SPATA6: variants seen among roughly 807,000 people sequenced by gnomAD.
SPATA6 encodes the protein spermatogenesis associated 6, also known as spermatogenesis-associated protein 6.
In SPATA6, 56 loss-of-function variants were observed where a neutral mutation model predicts 65.3. That is an observed-to-expected ratio of 0.86 (90% CI 0.69 to 1.07). The LOEUF is 1.07. SPATA6 is among the 50% of genes least tolerant of loss of function. SPATA6 has a pLI of 0.00. For missense variants in SPATA6, 590 were observed against 594.8 expected, an observed-to-expected ratio of 0.99 and a Z score of 0.08; for synonymous variants, 199 against 213.2, an observed-to-expected ratio of 0.93 and a Z score of 0.58.
intron 6 of SPATA6, chr1:48,400,883 A>G (rs41289162): frequency 0.085 from 103,484 of 1,223,600 alleles, 4,727 homozygotes; most frequent in Middle Eastern, 0.13. Flanking sequence ...TTTTTCTACC[A>G]TATCCATTTC....
the SPATA6 span, among the ~76,000 whole-genome samples, chr1:48,283,534 C>G: frequency 1.3e-5 from 2 of 150,424 alleles, no homozygotes; most frequent in African/African-American, 2.4e-5. Context: ...CAAAAATTAG[C>G]TGGGCATGGT....
intron 3 of SPATA6, among the ~76,000 whole-genome samples, chr1:48,447,675 TA>T (rs1017844422): frequency 1.3e-5 from 2 of 152,120 alleles, no homozygotes; most frequent in Non-Finnish European, 2.9e-5. Flanking sequence ...TCAATAAATG[TA>T]AAAAAGTTAA....
the SPATA6 span, among the ~76,000 whole-genome samples, chr1:48,277,311 G>T: frequency 6.6e-6 from 1 of 152,196 alleles, no homozygotes; most frequent in Non-Finnish European, 1.5e-5. Flanking sequence ...TCACTAGGGA[G>T]TGCCAGACAG....
chr1:48,444,346 G>T (rs1401042333), intron 3 of SPATA6, among the ~76,000 whole-genome samples: 1 of 151,438 alleles, frequency 6.6e-6, no homozygotes, highest in Non-Finnish European at 1.5e-5. Context: ...TCAGCACTCT[G>T]GGTCCAGCTG....
chr1:48,265,078 C>T, the SPATA6 span, among the ~76,000 whole-genome samples: 3 of 152,092 alleles, frequency 2.0e-5, no homozygotes, highest in Non-Finnish European at 4.4e-5. Flanking sequence ...AGGCTGAATC[C>T]TTCATCATAT....
At chr1:48,299,757 A>C (rs1019691934) in intron 12 of SPATA6, among the ~76,000 whole-genome samples, 4 of 152,136 alleles carry the variant, frequency 2.6e-5, no homozygotes, top group African/African-American at 9.7e-5. Context: ...TTTACAACAC[A>C]TAGAAGTTGG....
At chr1:48,302,646 T>C (rs1644968026) in intron 12 of SPATA6, among the ~76,000 whole-genome samples, 1 of 152,188 alleles carries the variant, frequency 6.6e-6, no homozygotes, top group Admixed American at 6.6e-5. Flanking sequence ...TGCCCTGGAT[T>C]TTACTTTCTG....
At chr1:48,444,096 G>A (rs555069775) in intron 3 of SPATA6, among the ~76,000 whole-genome samples, 1 of 152,320 alleles carries the variant, frequency 6.6e-6, no homozygotes, top group African/African-American at 2.4e-5. Context: ...AGAGGGGACT[G>A]AGAGGTGAAG....
chr1:48,312,890 C>A (rs923967808), intron 11 of SPATA6, among the ~76,000 whole-genome samples: 2 of 152,110 alleles, frequency 1.3e-5, no homozygotes, highest in Non-Finnish European at 2.9e-5. Context: ...AAGAGACAAA[C>A]GTGACGAATG....
intron 9 of SPATA6, among the ~76,000 whole-genome samples, chr1:48,368,729 C>G (rs964891585): frequency 6.6e-6 from 1 of 152,106 alleles, no homozygotes; most frequent in African/African-American, 2.4e-5. Flanking sequence ...ACTTCTTTGC[C>G]ATTGGTTTGA....
At chr1:48,299,591 C>T (rs1042826624) in intron 12 of SPATA6, among the ~76,000 whole-genome samples, 1 of 149,924 alleles carries the variant, frequency 6.7e-6, no homozygotes, top group Non-Finnish European at 1.5e-5. Context: ...CCAGCTCAGT[C>T]CTTTATAAGC....
At chr1:48,277,185 T>C in the SPATA6 span, among the ~76,000 whole-genome samples, 4 of 151,830 alleles carry the variant, frequency 2.6e-5, no homozygotes, top group African/African-American at 2.4e-5. Flanking sequence ...AAATTCTGAA[T>C]TGGGAGGCTG....
chr1:48,413,329 C>A (rs1403161733), intron 3 of SPATA6, among the ~76,000 whole-genome samples, 178 bp from the exon 4 acceptor site: 1 of 149,440 alleles, frequency 6.7e-6, no homozygotes, highest in Admixed American at 6.7e-5. Flanking sequence ...CTCACTCTGT[C>A]GCCAGGCTGG....
intron 9 of SPATA6, among the ~76,000 whole-genome samples, chr1:48,369,995 G>A (rs1647186959): frequency 6.6e-6 from 1 of 152,176 alleles, no homozygotes; most frequent in African/African-American, 2.4e-5. Context: ...ATGATATGCA[G>A]AGTTTTTATA....
At chr1:48,366,932 C>T (rs973773809) in intron 9 of SPATA6, among the ~76,000 whole-genome samples, 33 of 152,142 alleles carry the variant, frequency 2.2e-4, no homozygotes, top group African/African-American at 6.7e-4. Flanking sequence ...TGTGGGCATT[C>T]AGTGCTATAA....
At chr1:48,329,959 A>G (rs1645868497) in intron 11 of SPATA6, among the ~76,000 whole-genome samples, 1 of 152,170 alleles carries the variant, frequency 6.6e-6, no homozygotes, top group Non-Finnish European at 1.5e-5. Context: ...TGCAGGGGGA[A>G]CTTCTGAGTC....
intron 6 of SPATA6, among the ~76,000 whole-genome samples, chr1:48,402,379 C>T (rs1412919886): frequency 6.6e-6 from 1 of 152,040 alleles, no homozygotes; most frequent in Admixed American, 6.6e-5. Flanking sequence ...GAAGAACATA[C>T]TCCAGCGTGA....
At chr1:48,442,153 C>T (rs531233276) in intron 3 of SPATA6, among the ~76,000 whole-genome samples, 27 of 152,268 alleles carry the variant, frequency 1.8e-4, no homozygotes, top group African/African-American at 6.5e-4. Flanking sequence ...GCAGGTTATG[C>T]CATAGTTAGT....
chr1:48,373,198 C>A (rs1291362191), intron 9 of SPATA6, among the ~76,000 whole-genome samples: 1 of 152,214 alleles, frequency 6.6e-6, no homozygotes, highest in Admixed American at 6.5e-5. Flanking sequence ...AACAGAATGC[C>A]TTTAATAGCA....
Sources: gnomAD v4.1 joint callset for allele counts (sites outside exome capture counted in the v4.1 genomes callset) on GRCh38, gnomAD v4.1.1 for gene constraint, MANE v1.5 for transcripts, NCBI Gene and HGNC (gene_info 2026-07-23, HGNC 2026-07-21) for gene names.